The following ATL2 variants were observed in gnomAD, a reference collection of about 807,000 sequenced individuals.
The protein encoded by ATL2 is atlastin GTPase 2, also known as atlastin-2.
ATL2 carries 31 observed loss-of-function variants against 73.9 expected under a neutral mutation model. That is an observed-to-expected ratio of 0.42 (90% CI 0.32 to 0.57). The LOEUF is 0.57. Ranked by LOEUF, ATL2 falls within the 20% of genes least tolerant of loss-of-function variation. The pLI, the probability that ATL2 is intolerant of heterozygous loss-of-function variation, is 0.14. For synonymous variants in ATL2, 291 were observed against 237.5 expected, an observed-to-expected ratio of 1.23 and a Z score of -2.07; for missense variants, 738 against 702.6, an observed-to-expected ratio of 1.05 and a Z score of -0.57.
In ATL2 at chr2:38,343,259, A is replaced by T; in HGVS notation, c.363+9T>A. The T allele has an allele frequency of 6.4e-7, 1 of 1,572,296 alleles. No homozygotes were observed. Among genetic ancestry groups the T allele is most frequent in the Middle Eastern group, 1.7e-4 (1 of 5,946 alleles). On this transcript the variant is annotated intron_variant, in intron 2 of 12. Transcript: ENST00000378954. ...TTTTTAATTGGGTTCAATTTAAAAG[A>T]CTATTCACCTTGTTATACATGTATC...
At chr2:38,327,540 C>A (rs952855111) in intron 2 of ATL2, among the ~76,000 whole-genome samples, 384 of 89,386 alleles carry the variant, frequency 4.3e-3, no homozygotes, top group East Asian at 0.012. Flanking sequence ...AAAAAAAGTA[C>A]AAAAAAAAAA....
At position 38,298,582 on chromosome 2, in the gene ATL2, A is replaced by G; in HGVS notation, c.1201-7T>C. 6.2e-7 allele frequency: 1 copy of G among 1,607,590 alleles called. No individual in the cohort carries two copies. The highest frequency in any genetic ancestry group is 8.5e-7 in the Non-Finnish European group (1 of 1,176,742). ...GCTTGTCCCCTCCACATACCTGGACAGACAGAATTACAGTATTACATGCTA... is the reference window on the plus strand; with the variant it reads ...GCTTGTCCCCTCCACATACCTGGACGGACAGAATTACAGTATTACATGCTA... On this transcript the variant is annotated splice_region_variant and splice_polypyrimidine_tract_variant and intron_variant, in intron 11 of 12. Transcript: ENST00000378954.
At chr2:38,370,672 C>A (rs1363641044) in intron 1 of ATL2, among the ~76,000 whole-genome samples, 2 of 151,828 alleles carry the variant, frequency 1.3e-5, no homozygotes, top group Admixed American at 6.6e-5. Flanking sequence ...GAGGCTGGGG[C>A]AGAAGAATCT....
chr2:38,315,385 C>T (rs1348824520), intron 4 of ATL2, 51 bp from the exon 5 acceptor site: 3 of 1,475,288 alleles, frequency 2.0e-6, no homozygotes, highest in Non-Finnish European at 1.8e-6. Flanking sequence ...GTTCTGAATA[C>T]CCAGCTTCTG....
chr2:38,326,698 A>G (rs1668682177), intron 2 of ATL2, among the ~76,000 whole-genome samples: 1 of 152,206 alleles, frequency 6.6e-6, no homozygotes, highest in Non-Finnish European at 1.5e-5. Context: ...ATTACAAATC[A>G]TGCAAGCAGC....
chr2:38,302,668 C>A (rs1667250098), intron 9 of ATL2, among the ~76,000 whole-genome samples: 1 of 152,124 alleles, frequency 6.6e-6, no homozygotes, highest in South Asian at 2.1e-4. Flanking sequence ...ACAAGAGTCT[C>A]TGCCTGGTAA....
chr2:38,306,967 G>A (rs1355271725), intron 9 of ATL2, among the ~76,000 whole-genome samples: 1 of 152,136 alleles, frequency 6.6e-6, no homozygotes, highest in African/African-American at 2.4e-5. Context: ...CATATGCAGA[G>A]GAATGAAACT....
chr2:38,328,532 G>A (rs1668796907), intron 2 of ATL2, among the ~76,000 whole-genome samples: 1 of 151,862 alleles, frequency 6.6e-6, no homozygotes, highest in Non-Finnish European at 1.5e-5. Context: ...AAACACAGCT[G>A]GAAAACTCCC....
intron 1 of ATL2, among the ~76,000 whole-genome samples, chr2:38,374,215 G>C (rs1671841670): frequency 6.6e-6 from 1 of 152,184 alleles, no homozygotes; most frequent in Admixed American, 6.5e-5. Flanking sequence ...TAAAGCCATA[G>C]AGAAAGCCCT....
At chr2:38,322,872 C>T (rs186417642) in intron 2 of ATL2, among the ~76,000 whole-genome samples, 1 of 152,102 alleles carries the variant, frequency 6.6e-6, no homozygotes, top group African/African-American at 2.4e-5. Context: ...GAGTGAGAGA[C>T]CCTGCCTCTA....
chr2:38,361,049 G>T (rs1387314552), intron 1 of ATL2, among the ~76,000 whole-genome samples: 1 of 151,986 alleles, frequency 6.6e-6, no homozygotes, highest in Admixed American at 6.6e-5. Context: ...CACCAACGTG[G>T]AATGAAAAAA....
At chr2:38,365,134 TACACACACAC>T (rs541325892) in intron 1 of ATL2, among the ~76,000 whole-genome samples, 53 of 132,736 alleles carry the variant, frequency 4.0e-4, no homozygotes, top group Non-Finnish European at 5.9e-4. Flanking sequence ...AAGGGAATCA[TACACACACAC>T]ACACACACAC....
chr2:38,359,891 G>A (rs1670904649), intron 1 of ATL2, among the ~76,000 whole-genome samples: 1 of 152,072 alleles, frequency 6.6e-6, no homozygotes, highest in Admixed American at 6.5e-5. Context: ...CCTTTGGGAG[G>A]CCGAGGCAGG....
chr2:38,313,626 A>C (rs563942103), intron 6 of ATL2, among the ~76,000 whole-genome samples: 4 of 152,330 alleles, frequency 2.6e-5, no homozygotes, highest in African/African-American at 4.8e-5. Context: ...TCTGGGGTCA[A>C]TAAGGACATT....
At position 38,370,150 on chromosome 2, in the gene ATL2, C is replaced by CAAAA. The variant is rs962952444; in HGVS notation, c.118+6989_118+6992dup. Among the ~76,000 whole-genome samples, 103 of 43,534 alleles carry CAAAA rather than the reference C, an allele frequency of 2.4e-3. 1 individual carries two copies. The highest frequency in any genetic ancestry group is 8.0e-3 in the African/African-American group (72 of 9,004). 28.6% of individuals were successfully genotyped at this position (43,534 alleles called of 152,430 possible). A position where few individuals can be genotyped will look rare whatever the true frequency, so the allele number is the denominator to read the frequency against. ...AACCTGGGCGACAGCGAGACTCCGT[C>CAAAA]AAAAAAAAAAAAAAAAAAAAAGAAA... is the stretch of plus-strand genomic sequence containing the variant. On this transcript the variant is annotated intron_variant, in intron 1 of 12. Coordinates refer to ENST00000378954, the MANE Select transcript of ATL2 (RefSeq NM_001135673.4).
At chr2:38,327,025 G>A (rs980624003) in intron 2 of ATL2, among the ~76,000 whole-genome samples, 11 of 151,126 alleles carry the variant, frequency 7.3e-5, no homozygotes, top group South Asian at 2.1e-4. Context: ...CAAGCAGGAA[G>A]GAAATAGGGT....
chr2:38,361,196 T>C (rs1299007655), intron 1 of ATL2, among the ~76,000 whole-genome samples: 3 of 150,894 alleles, frequency 2.0e-5, no homozygotes, highest in African/African-American at 7.3e-5. Flanking sequence ...TACTAAAAAA[T>C]ACAAAAAATT....
chr2:38,328,196 T>C (rs1473116127), intron 2 of ATL2, among the ~76,000 whole-genome samples: 1 of 152,098 alleles, frequency 6.6e-6, no homozygotes, highest in Non-Finnish European at 1.5e-5. Context: ...GAAGCAAAAA[T>C]TGAACTCCAA....
upstream of ATL2, among the ~76,000 whole-genome samples, chr2:38,378,425 C>T (rs920638755): frequency 1.3e-5 from 2 of 152,140 alleles, no homozygotes; most frequent in East Asian, 3.8e-4. Context: ...TTTTTATAGA[C>T]ACGGGATTTC....
Sources: gnomAD v4.1 joint callset for allele counts (sites outside exome capture counted in the v4.1 genomes callset) on GRCh38, gnomAD v4.1.1 for gene constraint, MANE v1.5 for transcripts, NCBI Gene and HGNC (gene_info 2026-07-23, HGNC 2026-07-21) for gene names.